TG: variants seen among roughly 807,000 people sequenced by gnomAD.
TG encodes the protein thyroglobulin.
TG carries 270 observed loss-of-function variants against 324.7 expected under a neutral mutation model. The observed-to-expected ratio is 0.83, with a 90% CI of 0.75 to 0.92. The LOEUF is 0.92. Among genes scored for constraint, TG ranks in the 40% least tolerant of loss-of-function variants. The probability of loss-of-function intolerance (pLI) is 0.00; values close to 1 mark genes in which losing one functional copy is unlikely to be tolerated. For synonymous variants in TG, 1,401 were observed against 1,327.0 expected, an observed-to-expected ratio of 1.06 and a Z score of -1.21; for missense variants, 3,591 against 3,456.4, an observed-to-expected ratio of 1.04 and a Z score of -0.98.
At chr8:132,995,305 C>T (rs1199883612) in intron 35 of TG, 1 of 984,874 alleles carries the variant, frequency 1.0e-6, no homozygotes, top group East Asian at 1.1e-4. Flanking sequence ...CCACATACAG[C>T]AAGTGCTTGA....
intron 41 of TG, among the ~76,000 whole-genome samples, chr8:133,052,036 C>T (rs751077096): frequency 6.6e-6 from 1 of 152,112 alleles, no homozygotes; most frequent in Non-Finnish European, 1.5e-5. Flanking sequence ...TTCCCTGGTT[C>T]GCTCACCCCA....
intron 30 of TG, among the ~76,000 whole-genome samples, chr8:132,967,247 C>T (rs866098251): frequency 1.3e-5 from 1 of 79,142 alleles, no homozygotes; most frequent in Non-Finnish European, 2.1e-5. Context: ...TCCATCCATC[C>T]ATCTATCCAT....
chr8:133,032,338 T>C (rs909766259), intron 41 of TG, among the ~76,000 whole-genome samples: 1 of 152,172 alleles, frequency 6.6e-6, no homozygotes, highest in African/African-American at 2.4e-5. Context: ...GAAAACAAAC[T>C]ATCCTGCGTT....
rs1819516133 is a variant in TG at position 132,911,470 on chromosome 8, G to A, written c.4096G>A (p.Val1366Ile). 1.2e-6 allele frequency: 2 copies of A among 1,614,198 alleles called. No homozygotes were observed. The highest frequency in any genetic ancestry group is 2.2e-5 in the East Asian group (1 of 44,876). Residue 1366 changes from valine (V) to isoleucine (I), a missense_variant, in exon 19 of 48, where the codon GTT (valine) becomes ATT (isoleucine). By Grantham distance (29) the Val-to-Ile change is conservative. Coordinates refer to ENST00000220616, the MANE Select transcript of TG (RefSeq NM_003235.5). ...CLTRERLGVN[V>I]TWKSRLEDIP... ...GACCAGGGAGCGTTTAGGAGTGAAT[G>A]TTACATGGAAATCACGGCTTGAGGA...
intron 41 of TG, among the ~76,000 whole-genome samples, chr8:133,034,866 C>A (rs1037185199): frequency 1.3e-5 from 2 of 152,176 alleles, no homozygotes; most frequent in Admixed American, 6.5e-5. Context: ...TAGGGCTTTG[C>A]TGGTAAGGGG....
intron 41 of TG, chr8:133,038,569 C>T (rs1461763834): frequency 6.2e-7 from 1 of 1,614,028 alleles, no homozygotes; most frequent in African/African-American, 1.3e-5. Flanking sequence ...AGCTCTTTCT[C>T]TTGCTGCCAC....
At chr8:132,893,276 G>T (rs1816565832) in intron 10 of TG, among the ~76,000 whole-genome samples, 2 of 107,946 alleles carry the variant, frequency 1.9e-5, no homozygotes, top group South Asian at 6.5e-4. Context: ...TGTCTGCGGG[G>T]GTGGTGTGTG....
chr8:133,022,072 T>C lies in TG; in HGVS notation c.6958T>C (p.Ser2320Pro). ...ESEGWPAIDG[S>P]FLAAVGNLIV... ...TGAAGGATGGCCGGCTATCGACGGC[T>C]CCTTCTTGGCTGCTGTTGGCAACCT... is the stretch of plus-strand genomic sequence containing the variant. The change falls in exon 40 of 48, where the codon TCC becomes CCC. Residue 2320 changes from serine to proline, a missense_variant. Physicochemically the swap from Ser to Pro is moderately conservative, Grantham distance 74 (BLOSUM62 -1). Coordinates refer to ENST00000220616, the MANE Select transcript of TG (RefSeq NM_003235.5). 6.2e-7 allele frequency: 1 copy of C among 1,614,168 alleles called. No homozygotes were observed. Among genetic ancestry groups the C allele is most frequent in the Non-Finnish European group, 8.5e-7 (1 of 1,180,022 alleles).
intron 41 of TG, among the ~76,000 whole-genome samples, chr8:133,080,464 G>C (rs976995677): frequency 4.6e-5 from 7 of 152,046 alleles, no homozygotes; most frequent in Non-Finnish European, 7.4e-5. Context: ...GCCTCCCATT[G>C]GGTCTTCCCA....
chr8:132,923,861 C>T (rs1821448103), intron 22 of TG, among the ~76,000 whole-genome samples: 1 of 152,074 alleles, frequency 6.6e-6, no homozygotes, highest in African/African-American at 2.4e-5. Context: ...CTAATCTAGT[C>T]AGCATTTCTT....
intron 5 of TG, among the ~76,000 whole-genome samples, chr8:132,880,124 A>T (rs540120886): frequency 1.3e-5 from 2 of 152,342 alleles, no homozygotes; most frequent in African/African-American, 4.8e-5. Context: ...TGTAGGACAG[A>T]AGCCAGGTGC....
intron 41 of TG, among the ~76,000 whole-genome samples, chr8:133,042,203 C>T (rs926055189): frequency 5.3e-5 from 8 of 152,132 alleles, no homozygotes; most frequent in African/African-American, 1.9e-4. Context: ...ATTCTAAAAG[C>T]AACTCATTGC....
chr8:133,083,051 C>A (rs928043987), intron 41 of TG, among the ~76,000 whole-genome samples: 1 of 152,196 alleles, frequency 6.6e-6, no homozygotes. Context: ...GATGAGTAGG[C>A]AGGCCTAGTT....
chr8:132,961,182 G>A (rs1229186021), intron 28 of TG, 109 bp downstream of exon 28: 2 of 1,126,452 alleles, frequency 1.8e-6, no homozygotes, highest in Non-Finnish European at 2.7e-6. Context: ...AATAGGTAGA[G>A]AGTCACTTTC....
At chr8:133,022,426 G>A (rs1397459337) in intron 40 of TG, among the ~76,000 whole-genome samples, 3 of 152,200 alleles carry the variant, frequency 2.0e-5, no homozygotes, top group East Asian at 3.8e-4. Context: ...GTGTGAGTGT[G>A]TAGTTTAAAG....
intron 32 of TG, among the ~76,000 whole-genome samples, chr8:132,970,923 C>T (rs1829417182): frequency 6.6e-6 from 1 of 152,128 alleles, no homozygotes; most frequent in Non-Finnish European, 1.5e-5. Context: ...ATGCTGCCAA[C>T]ATTGGAGATG....
At chr8:133,094,503 G>A (rs1352112980) in intron 41 of TG, 1 of 182,346 alleles carries the variant, frequency 5.5e-6, no homozygotes, top group African/African-American at 2.4e-5. Context: ...GCCTCCCAAA[G>A]TGAGAAACCA....
chr8:132,933,531 AG>A, intron 23 of TG, 29 bp from the exon 24 acceptor site: 1 of 1,608,088 alleles, frequency 6.2e-7, no homozygotes, highest in Non-Finnish European at 8.5e-7. Context: ...CGGGAAAGCC[AG>A]GTGAGTGACC....
chr8:133,027,037 G>A (rs372002681), intron 40 of TG, among the ~76,000 whole-genome samples: 28 of 152,230 alleles, frequency 1.8e-4, no homozygotes, highest in African/African-American at 6.5e-4. Flanking sequence ...CTTGTCCAGG[G>A]CCCCTCAAGG....
Sources: allele counts gnomAD v4.1 joint callset (sites outside exome capture counted in the v4.1 genomes callset), GRCh38; gene constraint gnomAD v4.1.1; transcripts MANE v1.5; gene names NCBI Gene and HGNC (gene_info 2026-07-23, HGNC 2026-07-21).